AAK1: variants seen among roughly 807,000 people sequenced by gnomAD.
AAK1 encodes the protein AP2-associated protein kinase 1.
In AAK1, 37 loss-of-function variants were observed where a neutral mutation model predicts 116.0. The observed-to-expected ratio is 0.32, with a 90% CI of 0.25 to 0.42. The LOEUF is 0.42. Ranked by LOEUF, AAK1 falls within the 10% of genes least tolerant of loss-of-function variation. The probability of loss-of-function intolerance (pLI) is 1.00; values close to 1 mark genes in which losing one functional copy is unlikely to be tolerated. For synonymous variants in AAK1, 458 were observed against 439.9 expected (o/e 1.04, Z -0.51); for missense variants, 919 against 1,170.6 (o/e 0.79, Z 3.14).
intron 16 of AAK1, among the ~76,000 whole-genome samples, chr2:69,496,925 C>G (rs980289074): frequency 6.6e-6 from 1 of 152,082 alleles, no homozygotes; most frequent in Non-Finnish European, 1.5e-5. Context: ...AATCTCTGTA[C>G]TATACTTAAC....
intron 2 of AAK1, among the ~76,000 whole-genome samples, chr2:69,611,786 T>C (rs1674092809): frequency 6.6e-6 from 1 of 152,212 alleles, no homozygotes; most frequent in Admixed American, 6.5e-5. Flanking sequence ...AACTGTGGTA[T>C]AGACATGCAA....
At position 69,544,470 on chromosome 2, in the gene AAK1, T is replaced by C; in HGVS notation, c.357A>G (p.Val119=). 1.2e-6 allele frequency: 2 copies of C among 1,613,750 alleles called. No individual in the cohort carries two copies. Among genetic ancestry groups the C allele is most frequent in the Non-Finnish European group, 1.7e-6 (2 of 1,179,720 alleles). Reference sequence around the variant, plus strand: ...AGTCCATCAGAATGAGCACTTCCCATACATCACCGCTACTCACGTTGTTGA... The same window carrying C: ...AGTCCATCAGAATGAGCACTTCCCACACATCACCGCTACTCACGTTGTTGA... ...SSINNVSSGD[V]WEVLILMDFC... Residue 119 remains valine, a synonymous_variant, in exon 4 of 22, where the codon GTA becomes GTG. Coordinates refer to ENST00000409085, the MANE Select transcript of AAK1 (RefSeq NM_014911.5).
intron 4 of AAK1, chr2:69,544,214 A>T (rs1463673824): frequency 2.1e-6 from 1 of 482,384 alleles, no homozygotes; most frequent in Non-Finnish European, 3.7e-6. Flanking sequence ...ACAAACACCA[A>T]ACCTTCCCAA....
chr2:69,515,707 C>T (rs529563575), intron 12 of AAK1, among the ~76,000 whole-genome samples: 1 of 152,264 alleles, frequency 6.6e-6, no homozygotes, highest in Admixed American at 6.5e-5. Context: ...AAAATAAGGG[C>T]CTGCTGATGA....
chr2:69,621,146 T>C (rs1674603926), intron 2 of AAK1, among the ~76,000 whole-genome samples: 1 of 152,132 alleles, frequency 6.6e-6, no homozygotes, highest in Non-Finnish European at 1.5e-5. Context: ...CATGCTGGGA[T>C]GTTCTGAATT....
Position 69,459,763 on chromosome 2 carries a change from G to C in AAK1, c.*16106C>G, listed in dbSNP as rs565544141. ...AACAGGAACAAGGGAGCTAAGCCAA[G>C]AGGACTTCCAGGGACTTGAACAAAA... On this transcript the variant is annotated 3_prime_UTR_variant, in exon 22 of 22. Coordinates refer to ENST00000409085, the MANE Select transcript of AAK1 (RefSeq NM_014911.5). 1 of 152,302 alleles carries C rather than the reference G, an allele frequency of 6.6e-6. No homozygotes were observed. The highest frequency in any genetic ancestry group is 6.5e-5 in the Admixed American group (1 of 15,294). The allele number at this position is 152,302 out of a possible 1,614,324, so 9.4% of individuals were successfully genotyped here. A position where few individuals can be genotyped will look rare whatever the true frequency, so the allele number is the denominator to read the frequency against.
intron 2 of AAK1, among the ~76,000 whole-genome samples, chr2:69,558,414 C>T (rs1255329103): frequency 1.3e-5 from 2 of 152,100 alleles, no homozygotes; most frequent in Non-Finnish European, 2.9e-5. Flanking sequence ...ACAGCATTCC[C>T]CAAATTCTTA....
chr2:69,521,843 C>A (rs115736862), intron 10 of AAK1, among the ~76,000 whole-genome samples: 3,593 of 152,330 alleles, frequency 0.024, 78 homozygotes, highest in Non-Finnish European at 0.035. Flanking sequence ...ATCCATGCAG[C>A]CATAGCTACA....
intron 3 of AAK1, among the ~76,000 whole-genome samples, chr2:69,550,363 G>A (rs1671123185): frequency 6.6e-6 from 1 of 152,088 alleles, no homozygotes; most frequent in Non-Finnish European, 1.5e-5. Context: ...GGAGTGCAGT[G>A]GCGCAATCTC....
At chr2:69,637,263 C>A (rs928383373) in intron 2 of AAK1, among the ~76,000 whole-genome samples, 1 of 152,204 alleles carries the variant, frequency 6.6e-6, no homozygotes, top group Admixed American at 6.5e-5. Context: ...ACTCCCCAAC[C>A]CACAAAATTG....
intron 6 of AAK1, among the ~76,000 whole-genome samples, chr2:69,531,316 G>A (rs1034098929): frequency 2.5e-4 from 38 of 152,196 alleles, no homozygotes; most frequent in Non-Finnish European, 7.3e-5. Context: ...GATGGGACAC[G>A]TCTAGGCATC....
Position 69,473,390 on chromosome 2 carries a change from C to G in AAK1, c.*2479G>C. On this transcript the variant is annotated 3_prime_UTR_variant, in exon 22 of 22. Coordinates refer to ENST00000409085, the MANE Select transcript of AAK1 (RefSeq NM_014911.5). Reference sequence around the variant, plus strand: ...ACTCTTTCAGCTCAGGGATGATGCTCTAAACCAAGGAAGGCTCCGTTTACC... The same window carrying G: ...ACTCTTTCAGCTCAGGGATGATGCTGTAAACCAAGGAAGGCTCCGTTTACC... 1.0e-6 allele frequency: 1 copy of G among 985,506 alleles called. No individual in the cohort carries two copies. The highest frequency in any genetic ancestry group is 1.2e-6 in the Non-Finnish European group (1 of 829,958). 61.0% of individuals were successfully genotyped at this position (985,506 alleles called of 1,614,324 possible). A position where few individuals can be genotyped will look rare whatever the true frequency, so the allele number is the denominator to read the frequency against.
rs765311520 is a variant in AAK1 at position 69,514,736 on chromosome 2, T to C, written c.1511A>G (p.His504Arg). The part of the protein sequence containing the change: ...QAQTQQFQAV[H>R]PATQKPAIAQ... ...AATTGCTGGTTTCTGGGTTGCTGGA[T>C]GTACTGCCTGAAACTGAGCAAGAAA... is the stretch of plus-strand genomic sequence containing the variant. The change falls in exon 13 of 22, where the codon CAT (histidine) becomes CGT (arginine). Residue 504 changes from histidine (H) to arginine (R), a missense_variant. Coordinates refer to ENST00000409085, the MANE Select transcript of AAK1 (RefSeq NM_014911.5). The C allele has an allele frequency of 3.8e-6, 6 of 1,598,746 alleles. No individual in the cohort carries two copies. The highest frequency in any genetic ancestry group is 1.3e-5 in the African/African-American group (1 of 74,780).
intron 14 of AAK1, among the ~76,000 whole-genome samples, chr2:69,507,793 G>A (rs111322342): frequency 0.012 from 1,764 of 149,534 alleles, 26 homozygotes; most frequent in South Asian, 0.024. Context: ...TGCAACCTCC[G>A]TCTCCCAGGT....
intron 6 of AAK1, chr2:69,531,796 A>C: frequency 8.2e-7 from 1 of 1,226,634 alleles, no homozygotes; most frequent in Non-Finnish European, 1.0e-6. Flanking sequence ...ATCTATGTAC[A>C]ATGACCACAG....
intron 2 of AAK1, among the ~76,000 whole-genome samples, chr2:69,578,570 C>A (rs1371653425): frequency 6.6e-6 from 1 of 152,188 alleles, no homozygotes; most frequent in Admixed American, 6.5e-5. Context: ...CTTTCCACCA[C>A]CCCAATCTAC....
At chr2:69,516,051 T>C (rs1050046536) in intron 12 of AAK1, among the ~76,000 whole-genome samples, 6 of 152,218 alleles carry the variant, frequency 3.9e-5, no homozygotes, top group African/African-American at 7.2e-5. Flanking sequence ...TCTGAAACTA[T>C]GTAAATGTTT....
At chr2:69,607,265 A>T (rs761525382) in intron 2 of AAK1, among the ~76,000 whole-genome samples, 3 of 152,044 alleles carry the variant, frequency 2.0e-5, no homozygotes, top group Non-Finnish European at 4.4e-5. Context: ...AGAGAACCCC[A>T]GGGAGAGGGA....
intron 5 of AAK1, among the ~76,000 whole-genome samples, chr2:69,539,862 C>A (rs556104016): frequency 2.0e-5 from 3 of 152,330 alleles, no homozygotes; most frequent in African/African-American, 7.2e-5. Context: ...CCAATCATCA[C>A]TGCCTGATCT....
Sources: gnomAD v4.1 joint callset for allele counts (sites outside exome capture counted in the v4.1 genomes callset) on GRCh38, gnomAD v4.1.1 for gene constraint, MANE v1.5 for transcripts, NCBI Gene and HGNC (gene_info 2026-07-23, HGNC 2026-07-21) for gene names.